PDE4B: variants seen among roughly 807,000 people sequenced by gnomAD.
PDE4B encodes 3',5'-cyclic-AMP phosphodiesterase 4B.
In PDE4B, 20 loss-of-function variants were observed where a neutral mutation model predicts 82.2. The ratio of observed to expected loss-of-function variants is 0.24; its 90% CI spans 0.17 to 0.35. The LOEUF (loss-of-function observed/expected upper bound fraction) is 0.35. Among genes scored for constraint, PDE4B ranks in the 10% least tolerant of loss-of-function variants. PDE4B has a pLI of 1.00. For synonymous variants in PDE4B, 320 were observed against 318.9 expected (o/e 1.00, Z -0.04); for missense variants, 655 against 907.2 (o/e 0.72, Z 3.57).
chr1:65,935,015 AACAT>A (rs771815440), intron 3 of PDE4B, among the ~76,000 whole-genome samples: 10 of 152,318 alleles, frequency 6.6e-5, no homozygotes, highest in Admixed American at 2.6e-4. Context: ...AAATGAGCCT[AACAT>A]ACATATATAA....
At chr1:65,952,417 A>T (rs993991657) in intron 3 of PDE4B, among the ~76,000 whole-genome samples, 1 of 152,124 alleles carries the variant, frequency 6.6e-6, no homozygotes, top group Non-Finnish European at 1.5e-5. Flanking sequence ...GCGATGGCTC[A>T]TGCCTGTAAT....
chr1:66,281,289 T>G (rs1465877998), intron 7 of PDE4B, among the ~76,000 whole-genome samples: 1 of 152,254 alleles, frequency 6.6e-6, no homozygotes, highest in East Asian at 1.9e-4. Context: ...CATCTAATCT[T>G]TAACAGGGAA....
chr1:66,117,413 T>C (rs1379286841), intron 3 of PDE4B, among the ~76,000 whole-genome samples: 1 of 152,182 alleles, frequency 6.6e-6, no homozygotes, highest in Non-Finnish European at 1.5e-5. Flanking sequence ...ATTAAAAGAA[T>C]TGGGAGTCCA....
chr1:66,082,817 T>C (rs1407829290), intron 3 of PDE4B, among the ~76,000 whole-genome samples: 1 of 152,038 alleles, frequency 6.6e-6, no homozygotes, highest in Non-Finnish European at 1.5e-5. Flanking sequence ...GAGTATCATG[T>C]AGGTTTGAAA....
At chr1:65,922,081 G>T (rs1430587043) in intron 3 of PDE4B, among the ~76,000 whole-genome samples, 2 of 152,180 alleles carry the variant, frequency 1.3e-5, no homozygotes, top group Admixed American at 6.5e-5. Context: ...TAAGAATAGT[G>T]ATTTTATTTG....
chr1:66,083,274 T>G (rs1269499114), intron 3 of PDE4B, among the ~76,000 whole-genome samples: 1 of 152,124 alleles, frequency 6.6e-6, no homozygotes, highest in Non-Finnish European at 1.5e-5. Flanking sequence ...ATCTGCTAAC[T>G]TATAAGACCA....
intron 6 of PDE4B, among the ~76,000 whole-genome samples, chr1:66,261,361 AC>A (rs1280419136): frequency 6.6e-6 from 1 of 152,198 alleles, no homozygotes; most frequent in Non-Finnish European, 1.5e-5. Context: ...CCGAACACAC[AC>A]ACAGACACAC....
intron 3 of PDE4B, among the ~76,000 whole-genome samples, chr1:66,047,880 TG>T (rs552254838): frequency 6.4e-4 from 97 of 152,104 alleles, no homozygotes; most frequent in Non-Finnish European, 1.2e-3. Flanking sequence ...AAGTGTTGCT[TG>T]TTTACTTAGC....
At chr1:65,952,952 C>A (rs759271673) in intron 3 of PDE4B, among the ~76,000 whole-genome samples, 5 of 152,090 alleles carry the variant, frequency 3.3e-5, no homozygotes, top group African/African-American at 4.8e-5. Context: ...CATTTCATAG[C>A]CCCCTATCTG....
intron 3 of PDE4B, among the ~76,000 whole-genome samples, chr1:66,181,730 A>C (rs1570413034): frequency 6.6e-6 from 1 of 152,268 alleles, no homozygotes; most frequent in East Asian, 1.9e-4. Context: ...TTTGCCAACA[A>C]ATACTCCAGA....
At chr1:66,340,801 T>C (rs1447021309) in intron 8 of PDE4B, among the ~76,000 whole-genome samples, 1 of 152,042 alleles carries the variant, frequency 6.6e-6, no homozygotes, top group Non-Finnish European at 1.5e-5. Flanking sequence ...TCTAAAAAGA[T>C]AGATTTTAAG....
At chr1:65,969,147 A>G (rs1199538105) in intron 3 of PDE4B, among the ~76,000 whole-genome samples, 1 of 152,174 alleles carries the variant, frequency 6.6e-6, no homozygotes, top group Non-Finnish European at 1.5e-5. Context: ...AAAACACTAT[A>G]GGTTTTCTTC....
chr1:66,269,548 C>T (rs551390551), intron 7 of PDE4B, among the ~76,000 whole-genome samples: 23 of 152,272 alleles, frequency 1.5e-4, no homozygotes, highest in African/African-American at 5.3e-4. Flanking sequence ...CAAAATAAGG[C>T]AGGAACTCGA....
rs767588345 is a variant in PDE4B at position 66,361,691 on chromosome 1, C to T, written c.918C>T (p.Thr306=). ...AAAAGAAAAAGCAGCAGCTCATGAC[C>T]CAGATAAGTGGAGTGAAGAAATTAA... ...REKKKKQQLM[T]QISGVKKLMH... is the part of the protein sequence containing the mutation. Residue 306 remains threonine (T), a synonymous_variant, in exon 10 of 17, where the codon ACC becomes ACT. Transcript: ENST00000341517. 6.2e-7 allele frequency: 1 copy of T among 1,613,398 alleles called. No individual in the cohort carries two copies. The highest frequency in any genetic ancestry group is 8.5e-7 in the Non-Finnish European group (1 of 1,179,552).
At chr1:66,129,676 A>C (rs1244955283) in intron 3 of PDE4B, among the ~76,000 whole-genome samples, 1,747 of 55,458 alleles carry the variant, frequency 0.032, 84 homozygotes, top group African/African-American at 0.12. Context: ...AAAAAAACAA[A>C]AAAACAAAAA....
intron 3 of PDE4B, among the ~76,000 whole-genome samples, chr1:66,011,321 T>C (rs1288095805): frequency 6.6e-6 from 1 of 151,812 alleles, no homozygotes; most frequent in Non-Finnish European, 1.5e-5. Context: ...AATAAGTGAA[T>C]ATTTATTCTT....
chr1:65,841,866 C>T (rs972968964), intron 1 of PDE4B, among the ~76,000 whole-genome samples: 2 of 151,908 alleles, frequency 1.3e-5, no homozygotes, highest in African/African-American at 4.8e-5. Flanking sequence ...TGTTTTCTAC[C>T]CTGATTGAAT....
intron 3 of PDE4B, among the ~76,000 whole-genome samples, chr1:66,215,395 G>C (rs562274241): frequency 6.6e-6 from 1 of 152,292 alleles, no homozygotes; most frequent in African/African-American, 2.4e-5. Flanking sequence ...TTAGATGTTA[G>C]ATGTTGATGT....
rs748507599 is a variant in PDE4B, at chr1:66,372,405, A to G, written c.1938A>G (p.Glu646=). The part of the protein sequence containing the change: ...PDAQDILDTL[E]DNRNWYQSMI... ...CTCAGGACATTCTCGATACCTTAGA[A>G]GATAACAGGAACTGGTATCAGAGCA... is the stretch of plus-strand genomic sequence containing the variant. The change falls in exon 17 of 17, where the codon GAA becomes GAG. Residue 646 remains glutamate (E), a synonymous_variant. Coordinates refer to ENST00000341517, the MANE Select transcript of PDE4B (RefSeq NM_002600.4). 16 of 1,614,008 alleles carry G rather than the reference A, an allele frequency of 9.9e-6. No homozygotes were observed. The Admixed American group carries it at 2.7e-4, about 27-fold the overall frequency.
Sources: gnomAD v4.1 joint callset for allele counts (sites outside exome capture counted in the v4.1 genomes callset) on GRCh38, gnomAD v4.1.1 for gene constraint, MANE v1.5 for transcripts, NCBI Gene and HGNC (gene_info 2026-07-23, HGNC 2026-07-21) for gene names.